The following DGKB variants were observed in gnomAD, a reference collection of about 807,000 sequenced individuals.
DGKB encodes 90 kDa diacylglycerol kinase.
DGKB carries 67 observed loss-of-function variants against 114.3 expected under a neutral mutation model. The ratio of observed to expected loss-of-function variants is 0.59; its 90% CI spans 0.48 to 0.72. The LOEUF (loss-of-function observed/expected upper bound fraction) is 0.72, where lower values mean the gene tolerates loss of function less well. Ranked by LOEUF, DGKB falls within the 30% of genes least tolerant of loss-of-function variation. The pLI, the probability that DGKB is intolerant of heterozygous loss-of-function variation, is 0.00. For missense variants in DGKB, 907 were observed against 975.2 expected, an observed-to-expected ratio of 0.93 and a Z score of 0.93; for synonymous variants, 398 against 323.1, an observed-to-expected ratio of 1.23 and a Z score of -2.49.
chr7:14,638,347 T>G (rs1466379965), intron 13 of DGKB, among the ~76,000 whole-genome samples: 1 of 152,182 alleles, frequency 6.6e-6, no homozygotes, highest in East Asian at 1.9e-4. Flanking sequence ...AAACTCAATT[T>G]TATTAGCTTC....
chr7:14,855,569 T>C (rs1053806180), intron 1 of DGKB, among the ~76,000 whole-genome samples: 1 of 152,056 alleles, frequency 6.6e-6, no homozygotes, highest in Non-Finnish European at 1.5e-5. Context: ...CCCCCATGCA[T>C]ATGCACACAT....
chr7:14,567,113 T>A (rs1343581587), intron 20 of DGKB, among the ~76,000 whole-genome samples: 1 of 116,248 alleles, frequency 8.6e-6, no homozygotes, highest in Non-Finnish European at 1.7e-5. Flanking sequence ...TGTTTATATA[T>A]ATTATATAAA....
At chr7:14,429,445 G>C (rs746343242) in intron 21 of DGKB, among the ~76,000 whole-genome samples, 1 of 152,130 alleles carries the variant, frequency 6.6e-6, no homozygotes, top group Non-Finnish European at 1.5e-5. Context: ...AGAACTGTGA[G>C]TAATAAATGT....
intron 12 of DGKB, among the ~76,000 whole-genome samples, chr7:14,674,306 C>G (rs1288491710): frequency 2.0e-5 from 3 of 152,076 alleles, no homozygotes; most frequent in Non-Finnish European, 4.4e-5. Context: ...TGGTCTTTGT[C>G]AAGAGGCAAG....
intron 23 of DGKB, among the ~76,000 whole-genome samples, chr7:14,184,257 C>A (rs1398254009): frequency 1.3e-5 from 2 of 152,102 alleles, no homozygotes; most frequent in African/African-American, 4.8e-5. Context: ...TCTAGCTAAA[C>A]TTTGTAACAA....
intron 21 of DGKB, among the ~76,000 whole-genome samples, chr7:14,447,798 C>T (rs78754853): frequency 0.027 from 4,077 of 152,122 alleles, 205 homozygotes; most frequent in African/African-American, 0.092. Context: ...TTTTTCTAAG[C>T]TCCTTTTGTG....
chr7:14,547,469 A>C (rs938349705), intron 20 of DGKB, among the ~76,000 whole-genome samples: 1 of 152,190 alleles, frequency 6.6e-6, no homozygotes, highest in Non-Finnish European at 1.5e-5. Flanking sequence ...TTTCATATGG[A>C]GAAAATAATA....
At chr7:14,152,186 T>C (rs1359675594) in intron 25 of DGKB, among the ~76,000 whole-genome samples, 1 of 152,096 alleles carries the variant, frequency 6.6e-6, no homozygotes, top group East Asian at 1.9e-4. Flanking sequence ...GAATTTAGAA[T>C]ATATTAAGTT....
chr7:14,859,677 T>C (rs1163131358), intron 1 of DGKB, among the ~76,000 whole-genome samples: 1 of 152,150 alleles, frequency 6.6e-6, no homozygotes, highest in Non-Finnish European at 1.5e-5. Flanking sequence ...CCTCTGAAAG[T>C]AACTACATTA....
At chr7:14,312,176 G>C (rs1004994918) in intron 23 of DGKB, among the ~76,000 whole-genome samples, 2 of 152,178 alleles carry the variant, frequency 1.3e-5, no homozygotes, top group African/African-American at 2.4e-5. Flanking sequence ...CTTGAGTTCT[G>C]TTAACTCTCT....
chr7:14,841,197 C>T lies in DGKB; in HGVS notation c.67G>A (p.Glu23Lys). 1 of 1,611,548 alleles carries T rather than the reference C, an allele frequency of 6.2e-7. No homozygotes were observed. The highest frequency in any genetic ancestry group is 8.5e-7 in the Non-Finnish European group (1 of 1,178,448). The change falls in exon 2 of 26, where the codon GAG becomes AAG. Residue 23 changes from glutamate to lysine, a missense_variant. Around this residue, in one of 3 missense-constraint regions of DGKB, gnomAD observed 814 missense variants for 856.6 expected, o/e 0.95. Coordinates refer to ENST00000402815, the MANE Select transcript of DGKB (RefSeq NM_001350709.2). Reference sequence around the variant, plus strand: ...TAATATCAATATGAATACTTACACTCAGCATATTTCTGAAGTTGGGAAAAT... The same window carrying T: ...TAATATCAATATGAATACTTACACTTAGCATATTTCTGAAGTTGGGAAAAT... ...SEFSQLQKYA[E>K]YSTKKLKDVL... is the part of the protein sequence containing the mutation.
At chr7:14,920,771 TAAGTA>T (rs1361034331) in intron 1 of DGKB, among the ~76,000 whole-genome samples, 1 of 152,090 alleles carries the variant, frequency 6.6e-6, no homozygotes, top group Non-Finnish European at 1.5e-5. Flanking sequence ...GAGGAAAAGA[TAAGTA>T]AACTAGGGTA....
intron 23 of DGKB, among the ~76,000 whole-genome samples, chr7:14,214,471 GA>G (rs1485391065): frequency 1.3e-5 from 2 of 151,970 alleles, no homozygotes; most frequent in African/African-American, 4.8e-5. Flanking sequence ...GAAAAGAAAA[GA>G]AAAAGTTTAG....
At chr7:14,440,829 T>C (rs917706742) in intron 21 of DGKB, among the ~76,000 whole-genome samples, 3 of 152,196 alleles carry the variant, frequency 2.0e-5, no homozygotes, top group Non-Finnish European at 2.9e-5. Context: ...TCAATGTATA[T>C]ACAAATGGGC....
At chr7:14,480,940 A>G (rs545534636) in intron 20 of DGKB, among the ~76,000 whole-genome samples, 82 of 152,166 alleles carry the variant, frequency 5.4e-4, no homozygotes, top group African/African-American at 1.9e-3. Context: ...GTTAAATGAC[A>G]TATTTTTGAA....
At chr7:14,560,424 AT>A (rs1397701882) in intron 20 of DGKB, among the ~76,000 whole-genome samples, 3 of 152,240 alleles carry the variant, frequency 2.0e-5, no homozygotes, top group South Asian at 2.1e-4. Flanking sequence ...GAATTTGACC[AT>A]TTTATATACC....
chr7:14,640,278 C>G (rs186473062), intron 13 of DGKB, among the ~76,000 whole-genome samples: 1 of 151,832 alleles, frequency 6.6e-6, no homozygotes, highest in African/African-American at 2.4e-5. Context: ...ATGTGGAATT[C>G]CAGGAGAATT....
At chr7:14,399,962 C>A (rs1031473752) in intron 21 of DGKB, among the ~76,000 whole-genome samples, 10 of 151,802 alleles carry the variant, frequency 6.6e-5, no homozygotes, top group African/African-American at 2.4e-4. Context: ...TTACAAAAAA[C>A]ACCATAAATT....
At chr7:14,397,144 A>T (rs1350330193) in intron 21 of DGKB, among the ~76,000 whole-genome samples, 1 of 152,120 alleles carries the variant, frequency 6.6e-6, no homozygotes, top group Non-Finnish European at 1.5e-5. Flanking sequence ...GGTAGACAGG[A>T]CATGATCTAA....
Sources: allele counts gnomAD v4.1 joint callset (sites outside exome capture counted in the v4.1 genomes callset), GRCh38; gene constraint gnomAD v4.1.1; regional missense constraint gnomAD v4.1.1; transcripts MANE v1.5; gene names NCBI Gene and HGNC (gene_info 2026-07-23, HGNC 2026-07-21).